Variants in SRBD1 observed in about 807,000 individuals in gnomAD.
The protein encoded by SRBD1 is S1 RNA-binding domain-containing protein 1.
SRBD1 carries 88 observed loss-of-function variants against 115.3 expected under a neutral mutation model. The ratio of observed to expected loss-of-function variants is 0.76; its 90% confidence interval spans 0.64 to 0.91. SRBD1 has a LOEUF of 0.91. Ranked by LOEUF, SRBD1 falls within the 40% of genes least tolerant of loss-of-function variation. The probability of loss-of-function intolerance (pLI) is 0.00; values close to 1 mark genes in which losing one functional copy is unlikely to be tolerated. For missense variants in SRBD1, 1,385 were observed against 1,177.4 expected, an observed-to-expected ratio of 1.18 and a Z score of -2.58; for synonymous variants, 509 against 407.7, an observed-to-expected ratio of 1.25 and a Z score of -2.99.
At chr2:45,601,477 C>G (rs532125483) in intron 3 of SRBD1, among the ~76,000 whole-genome samples, 111 of 152,288 alleles carry the variant, frequency 7.3e-4, no homozygotes, top group Admixed American at 4.9e-3. Flanking sequence ...AATCATGTTC[C>G]TAACTTAGAA....
At chr2:45,488,429 T>A (rs1302498340) in intron 14 of SRBD1, 98 bp from the exon 15 acceptor site, 8 of 820,672 alleles carry the variant, frequency 9.7e-6, no homozygotes, top group African/African-American at 1.7e-5. Context: ...AAAAAAAAAA[T>A]AACAGGGCAA....
chr2:45,391,340 C>T (rs1666993050), intron 20 of SRBD1, among the ~76,000 whole-genome samples: 1 of 152,082 alleles, frequency 6.6e-6, no homozygotes, highest in South Asian at 2.1e-4. Flanking sequence ...AGTGTTAATA[C>T]ACATGAAATT....
chr2:45,544,984 TA>T (rs1335564965), intron 14 of SRBD1, among the ~76,000 whole-genome samples: 1 of 151,906 alleles, frequency 6.6e-6, no homozygotes, highest in African/African-American at 2.4e-5. Context: ...AGTAAATGAT[TA>T]AAACAAAAGA....
At chr2:45,517,703 G>C (rs557869202) in intron 14 of SRBD1, among the ~76,000 whole-genome samples, 1 of 152,140 alleles carries the variant, frequency 6.6e-6, no homozygotes, top group East Asian at 1.9e-4. Context: ...TTTATGTCTA[G>C]ATAATTCAAG....
chr2:45,488,380 G>C (rs746452500), intron 14 of SRBD1, 49 bp from the exon 15 acceptor site: 165 of 1,526,288 alleles, frequency 1.1e-4, no homozygotes, highest in Non-Finnish European at 1.4e-4. Flanking sequence ...TTCCTGCCTG[G>C]TCAAAGAAAA....
chr2:45,603,642 G>T (rs192027753), intron 2 of SRBD1, among the ~76,000 whole-genome samples: 1 of 152,028 alleles, frequency 6.6e-6, no homozygotes, highest in Non-Finnish European at 1.5e-5. Flanking sequence ...TGATTCTCAC[G>T]TCTCAGTCCC....
chr2:45,415,491 G>A (rs926525651), intron 18 of SRBD1, among the ~76,000 whole-genome samples: 1 of 145,240 alleles, frequency 6.9e-6, no homozygotes, highest in African/African-American at 2.5e-5. Flanking sequence ...ATATATGGAG[G>A]AGTGTGTATA....
At chr2:45,405,520 G>T (rs1168802124) in intron 19 of SRBD1, among the ~76,000 whole-genome samples, 1 of 152,122 alleles carries the variant, frequency 6.6e-6, no homozygotes, top group African/African-American at 2.4e-5. Flanking sequence ...CCTGAACTAG[G>T]GATGTTAAGA....
intron 9 of SRBD1, among the ~76,000 whole-genome samples, chr2:45,564,859 A>C (rs1363703523): frequency 6.6e-6 from 1 of 152,220 alleles, no homozygotes; most frequent in Non-Finnish European, 1.5e-5. Context: ...CTGCAGGGCC[A>C]ACTCTGGGAC....
chr2:45,393,194 C>T, intron 19 of SRBD1, 65 bp from the exon 20 acceptor site: 1 of 1,462,030 alleles, frequency 6.8e-7, no homozygotes, highest in Non-Finnish European at 9.1e-7. Context: ...TCTCCTTATA[C>T]AGATCACCCT....
At chr2:45,501,283 T>C (rs1407803438) in intron 14 of SRBD1, among the ~76,000 whole-genome samples, 1 of 152,202 alleles carries the variant, frequency 6.6e-6, no homozygotes, top group Non-Finnish European at 1.5e-5. Flanking sequence ...ATTTTTAATT[T>C]AAAATATTTT....
intron 4 of SRBD1, among the ~76,000 whole-genome samples, chr2:45,595,247 A>G (rs187370906): frequency 2.6e-5 from 4 of 152,382 alleles, no homozygotes; most frequent in Admixed American, 2.6e-4. Flanking sequence ...TAGTTTTCAG[A>G]GTTGAGAAAT....
In SRBD1 at chr2:45,443,000, G is replaced by A. The variant is rs192710547; in HGVS notation, c.2050-23106C>T. Among the ~76,000 whole-genome samples the A allele has an allele frequency of 4.3e-4, 65 of 152,260 alleles. No individual in the cohort carries two copies. The South Asian group carries it at 0.013, about 31-fold the overall frequency. ...GCTGAAATTGAAAGGAGGGCAATCT[G>A]GCTGAGACATAACCAAAAAAAGGGG... On this transcript the variant is annotated intron_variant, in intron 16 of 20. Transcript: ENST00000263736.
At chr2:45,496,440 G>GA (rs1005906311) in intron 14 of SRBD1, among the ~76,000 whole-genome samples, 1 of 151,000 alleles carries the variant, frequency 6.6e-6, no homozygotes, top group African/African-American at 2.4e-5. Context: ...TAAACAAACA[G>GA]AAAAAAAGCA....
chr2:45,472,511 C>T (rs978991222), intron 16 of SRBD1, among the ~76,000 whole-genome samples: 3 of 152,180 alleles, frequency 2.0e-5, no homozygotes, highest in Non-Finnish European at 4.4e-5. Flanking sequence ...CTCACTATGT[C>T]ATCCAGGCTG....
chr2:45,563,118 CA>C (rs1028603437), intron 9 of SRBD1, among the ~76,000 whole-genome samples: 2 of 152,100 alleles, frequency 1.3e-5, no homozygotes, highest in African/African-American at 4.8e-5. Flanking sequence ...TAAATACAAA[CA>C]TGTAAAATCC....
At chr2:45,414,417 T>TCC (rs1667701592) in intron 18 of SRBD1, among the ~76,000 whole-genome samples, 8 of 147,130 alleles carry the variant, frequency 5.4e-5, no homozygotes, top group African/African-American at 2.1e-4. Context: ...TATGTGTATA[T>TCC]ACACATATAT....
intron 14 of SRBD1, among the ~76,000 whole-genome samples, chr2:45,511,689 A>C (rs1302171238): frequency 6.6e-6 from 1 of 152,200 alleles, no homozygotes; most frequent in African/African-American, 2.4e-5. Flanking sequence ...ATATATTCCC[A>C]TGCATATATT....
chr2:45,509,777 C>T (rs1311013282), intron 14 of SRBD1, among the ~76,000 whole-genome samples: 2 of 152,154 alleles, frequency 1.3e-5, no homozygotes, highest in Non-Finnish European at 2.9e-5. Context: ...CTCTGCTGCC[C>T]AGGCTGGAGT....
Sources: allele counts gnomAD v4.1 joint callset (sites outside exome capture counted in the v4.1 genomes callset), GRCh38; gene constraint gnomAD v4.1.1; transcripts MANE v1.5; gene names NCBI Gene and HGNC (gene_info 2026-07-23, HGNC 2026-07-21).